Variants in CHSY3 observed in about 807,000 individuals in gnomAD.
The protein encoded by CHSY3 is chondroitin sulfate synthase 3.
In CHSY3, 35 loss-of-function variants were observed where a neutral mutation model predicts 67.2. The ratio of observed to expected loss-of-function variants is 0.52; its 90% CI spans 0.40 to 0.69. The LOEUF is 0.69. Ranked by LOEUF, CHSY3 falls within the 30% of genes least tolerant of loss-of-function variation. CHSY3 has a pLI of 0.00. For missense variants in CHSY3, 1,069 were observed against 1,138.5 expected (o/e 0.94, Z 0.88); for synonymous variants, 474 against 434.7 (o/e 1.09, Z -1.12).
chr5:130,102,285 A>C (rs1191632963), intron 2 of CHSY3, among the ~76,000 whole-genome samples: 1 of 152,070 alleles, frequency 6.6e-6, no homozygotes, highest in Non-Finnish European at 1.5e-5. Context: ...CACCTCTACT[A>C]TTAACTAATT....
chr5:129,991,018 C>T (rs1470887137), intron 2 of CHSY3, among the ~76,000 whole-genome samples: 3 of 152,002 alleles, frequency 2.0e-5, no homozygotes, highest in Non-Finnish European at 2.9e-5. Context: ...GCATTTTAGA[C>T]AAATAGAGCA....
In CHSY3 at chr5:130,185,237, C is replaced by A. The variant is rs747542019; in HGVS notation, c.2095C>A (p.Leu699Ile). The A allele has an allele frequency of 1.3e-5, 21 of 1,606,358 alleles. No individual in the cohort carries two copies. Among genetic ancestry groups the A allele is most frequent in the Non-Finnish European group, 1.8e-5 (21 of 1,172,972 alleles). Reference protein sequence around the residue: ...IPMKGEFSRGLGLEMASAQFD... With the variant: ...IPMKGEFSRGIGLEMASAQFD... Reference sequence around the variant, plus strand: ...AATGAAGGGAGAGTTTTCCAGAGGTCTTGGTCTTGAAATGGCTTCTGCCCA... The same window carrying A: ...AATGAAGGGAGAGTTTTCCAGAGGTATTGGTCTTGAAATGGCTTCTGCCCA... Residue 699 changes from leucine (L) to isoleucine (I), a missense_variant, in exon 3 of 3, where the codon CTT (leucine) becomes ATT (isoleucine). Coordinates refer to ENST00000305031, the MANE Select transcript of CHSY3 (RefSeq NM_175856.5).
At chr5:130,055,317 G>A (rs1309249830) in intron 2 of CHSY3, among the ~76,000 whole-genome samples, 2 of 149,706 alleles carry the variant, frequency 1.3e-5, no homozygotes, top group African/African-American at 2.4e-5. Flanking sequence ...CTATGGATAT[G>A]GAGGTCTACA....
At chr5:130,133,771 T>TAAAAAAAAAAA (rs758023976) in intron 2 of CHSY3, among the ~76,000 whole-genome samples, 2 of 58,116 alleles carry the variant, frequency 3.4e-5, no homozygotes, top group Non-Finnish European at 6.2e-5. Context: ...GACTCCGTCT[T>TAAAAAAAAAAA]AAAAAAAAAA....
chr5:130,040,733 C>A (rs958626177), intron 2 of CHSY3, among the ~76,000 whole-genome samples: 1 of 152,016 alleles, frequency 6.6e-6, no homozygotes, highest in Non-Finnish European at 1.5e-5. Context: ...TGTCAAACAC[C>A]TAAATGAACA....
chr5:130,120,395 G>T (rs1767970104), intron 2 of CHSY3, among the ~76,000 whole-genome samples: 1 of 149,794 alleles, frequency 6.7e-6, no homozygotes, highest in Non-Finnish European at 1.5e-5. Context: ...TAACACTCAG[G>T]CTTCCCAGAA....
chr5:129,994,623 A>G (rs1033879267), intron 2 of CHSY3, among the ~76,000 whole-genome samples: 1 of 152,088 alleles, frequency 6.6e-6, no homozygotes, highest in African/African-American at 2.4e-5. Flanking sequence ...CACTATTCGC[A>G]ATAGCAAAGA....
chr5:130,124,910 T>C lies in CHSY3; in HGVS notation c.1087-59319T>C, dbSNP rs1232534364. Among the ~76,000 whole-genome samples, 3 of 152,250 alleles carry C rather than the reference T, an allele frequency of 2.0e-5. No individual in the cohort carries two copies. The East Asian group carries it at 5.8e-4, about 29-fold the overall frequency. On this transcript the variant is annotated intron_variant, in intron 2 of 2. Transcript: ENST00000305031. ...TTTGGCTCCAAGTGTGATTTCTCTC[T>C]CCTTATTCTTAAGGCACCTCTCATA...
intron 2 of CHSY3, among the ~76,000 whole-genome samples, chr5:130,162,147 C>T (rs928887488): frequency 5.9e-5 from 9 of 151,452 alleles, no homozygotes; most frequent in Non-Finnish European, 1.2e-4. Flanking sequence ...CTCAATAAAC[C>T]GTTTACCTAT....
Position 130,166,976 on chromosome 5 carries a change from T to C in CHSY3, c.1087-17253T>C, listed in dbSNP as rs77136401. ...ATGATCCACATCAAAGAAAAATTAC[T>C]AAAGGTGGAGGTAAACAGGCCAGGA... is the stretch of plus-strand genomic sequence containing the variant. On this transcript the variant is annotated intron_variant, in intron 2 of 2. Transcript: ENST00000305031. Among the ~76,000 whole-genome samples, 294 of 152,144 alleles carry C rather than the reference T, an allele frequency of 1.9e-3. 2 individuals carry two copies. Among genetic ancestry groups the C allele is most frequent in the African/African-American group, 6.7e-3 (278 of 41,536 alleles).
At chr5:130,160,643 A>G (rs1256236429) in intron 2 of CHSY3, among the ~76,000 whole-genome samples, 1 of 152,134 alleles carries the variant, frequency 6.6e-6, no homozygotes, top group Non-Finnish European at 1.5e-5. Context: ...CTTTCTCCCC[A>G]ATTAAATGCA....
intron 2 of CHSY3, among the ~76,000 whole-genome samples, chr5:130,109,269 A>T (rs62393174): frequency 0.055 from 8,295 of 151,748 alleles, 330 homozygotes; most frequent in Non-Finnish European, 0.078. Context: ...TATTAATATC[A>T]TTTTAAGAGA....
At chr5:130,118,647 T>C (rs1371915590) in intron 2 of CHSY3, among the ~76,000 whole-genome samples, 1 of 152,112 alleles carries the variant, frequency 6.6e-6, no homozygotes, top group Non-Finnish European at 1.5e-5. Context: ...TTCAGTAGTA[T>C]TTTTGCAAAC....
In CHSY3 at chr5:130,114,505, A is replaced by T. The variant is rs1035771125; in HGVS notation, c.1087-69724A>T. 1.8e-4 allele frequency: 28 copies of T among 152,208 alleles called. 1 individual carries two copies. Among genetic ancestry groups the T allele is most frequent in the Non-Finnish European group, 5.9e-5 (4 of 68,020 alleles). The allele number at this position is 152,208 out of a possible 1,614,324, so 9.4% of individuals were successfully genotyped here. A position where few individuals can be genotyped will look rare whatever the true frequency, so the allele number is the denominator to read the frequency against. ...CTTGGATGGGAGAAATGTGGTAAAA[A>T]TACTTCTAAAATCTCTGCATACTAT... On this transcript the variant is annotated intron_variant, in intron 2 of 2. Coordinates refer to ENST00000305031, the MANE Select transcript of CHSY3 (RefSeq NM_175856.5).
At chr5:130,079,449 A>G (rs896021897) in intron 2 of CHSY3, among the ~76,000 whole-genome samples, 1 of 152,082 alleles carries the variant, frequency 6.6e-6, no homozygotes, top group Non-Finnish European at 1.5e-5. Context: ...ATTTTTGTGG[A>G]AAATAGAATC....
intron 2 of CHSY3, among the ~76,000 whole-genome samples, chr5:129,947,030 C>G (rs1761875983): frequency 6.6e-6 from 1 of 152,112 alleles, no homozygotes; most frequent in South Asian, 2.1e-4. Context: ...CTAATAAAGA[C>G]ATAACTGAGA....
intron 2 of CHSY3, among the ~76,000 whole-genome samples, chr5:129,986,741 C>A (rs1763215020): frequency 6.6e-6 from 1 of 152,136 alleles, no homozygotes; most frequent in South Asian, 2.1e-4. Context: ...CTCCCAGGTC[C>A]AAACAATTCT....
At chr5:129,914,034 C>T (rs574286596) in intron 2 of CHSY3, among the ~76,000 whole-genome samples, 1 of 152,292 alleles carries the variant, frequency 6.6e-6, no homozygotes, top group African/African-American at 2.4e-5. Context: ...TTCTTAATAA[C>T]ATATTTTTAA....
intron 2 of CHSY3, among the ~76,000 whole-genome samples, chr5:129,932,272 G>T (rs929366399): frequency 6.6e-6 from 1 of 151,556 alleles, no homozygotes; most frequent in African/African-American, 2.4e-5. Flanking sequence ...ATTCTAGCAG[G>T]AGTTGATGTT....
Sources: allele counts gnomAD v4.1 joint callset (sites outside exome capture counted in the v4.1 genomes callset), GRCh38; gene constraint gnomAD v4.1.1; transcripts MANE v1.5; gene names NCBI Gene and HGNC (gene_info 2026-07-23, HGNC 2026-07-21).